SETD1B: variants seen among roughly 807,000 people sequenced by gnomAD.
SETD1B encodes the protein histone-lysine N-methyltransferase SETD1B.
SETD1B carries 7 observed loss-of-function variants against 148.0 expected under a neutral mutation model. The observed-to-expected ratio is 0.05, with a 90% CI of 0.03 to 0.09. SETD1B has a LOEUF of 0.09. SETD1B is among the 10% of genes least tolerant of loss of function. The pLI, the probability that SETD1B is intolerant of heterozygous loss-of-function variation, is 1.00. For synonymous variants in SETD1B, 1,361 were observed against 1,186.5 expected (o/e 1.15, Z -3.02); for missense variants, 2,155 against 2,729.9 (o/e 0.79, Z 4.69).
At chr12:121,799,997 GGA>G (rs1491273707), upstream of SETD1B, 1 of 152,228 alleles carries the variant, frequency 6.6e-6, no homozygotes. Context: ...GGGCGTTGGG[GGA>G]GAGAGATGTG....
intron 6 of SETD1B, among the ~76,000 whole-genome samples, chr12:121,812,951 TC>T (rs1201836488): frequency 6.7e-6 from 1 of 148,702 alleles, no homozygotes; most frequent in Admixed American, 6.7e-5. Context: ...CCACCCCCAC[TC>T]CCCCTCAGCC....
At position 121,819,489 on chromosome 12, in the gene SETD1B, C is replaced by T. The variant is rs1876461907; in HGVS notation, c.3504C>T (p.Ser1168=). Residue 1168 remains serine (S), a synonymous_variant, in exon 11 of 17, where the codon TCC becomes TCT. Coordinates refer to ENST00000604567, the MANE Select transcript of SETD1B (RefSeq NM_001353345.2). ...SSESSEFESS[S]ESSPSSSEDE... is the part of the protein sequence containing the mutation. ...AGTCTTCTGAGTTTGAGTCAAGCTC[C>T]GAGTCCTCGCCCTCATCCTCGGAGG... The T allele has an allele frequency of 6.4e-7, 1 of 1,552,192 alleles. No homozygotes were observed. Among genetic ancestry groups the T allele is most frequent in the Non-Finnish European group, 8.7e-7 (1 of 1,147,126 alleles).
rs1323766169 is a variant in SETD1B at position 121,809,911 on chromosome 12, C to T, written c.966C>T (p.Asn322=). 8 of 1,550,996 alleles carry T rather than the reference C, an allele frequency of 5.2e-6. No homozygotes were observed. In the East Asian group the frequency reaches 2.0e-4, roughly 38 times the overall value. The change falls in exon 6 of 17, where the codon AAC becomes AAT. Residue 322 remains asparagine (N), a synonymous_variant. Coordinates refer to ENST00000604567, the MANE Select transcript of SETD1B (RefSeq NM_001353345.2). ...RHESKFTDAY[N]RRHEHHYVHN... is the part of the protein sequence containing the mutation. ...AGAGCAAGTTCACGGACGCCTACAA[C>T]CGCCGCCACGAACATCATTATGTAC...
At chr12:121,824,682 A>G (rs775632561) in intron 12 of SETD1B, among the ~76,000 whole-genome samples, 2 of 151,934 alleles carry the variant, frequency 1.3e-5, no homozygotes, top group Admixed American at 6.6e-5. Flanking sequence ...GACCATAAGC[A>G]TATTTCATCA....
Position 121,831,105 on chromosome 12 carries a change from G to C in SETD1B, c.*866G>C, listed in dbSNP as rs879079186. The C allele has an allele frequency of 6.6e-6, 1 of 152,240 alleles. No homozygotes were observed. Among genetic ancestry groups the C allele is most frequent in the Non-Finnish European group, 1.5e-5 (1 of 68,060 alleles). 9.4% of individuals were successfully genotyped at this position (152,240 alleles called of 1,614,324 possible). A position where few individuals can be genotyped will look rare whatever the true frequency, so the allele number is the denominator to read the frequency against. The stretch of plus-strand genomic sequence containing the variant: ...AGTGCAGGTGAGGGGCGCTGAGAAC[G>C]CGGGCAGCCACTCTCTTCTGCCCTT... On this transcript the variant is annotated 3_prime_UTR_variant, in exon 17 of 17. Transcript: ENST00000604567.
In SETD1B at chr12:121,805,678, T is replaced by A. The variant is rs1875704262; in HGVS notation, c.274-157T>A. ...GGGCCCGCCCGCGTGCATTTTTTTT[T>A]TCCAAAAAAAATTTTTTTTTTTTTT... On this transcript the variant is annotated intron_variant, in intron 3 of 16. Transcript: ENST00000604567. The surrounding 1 kb of genome is among the most constrained non-coding windows in gnomAD (Gnocchi z 4.2). Among the ~76,000 whole-genome samples the A allele has an allele frequency of 8.9e-6, 1 of 112,486 alleles. No individual in the cohort carries two copies. Among genetic ancestry groups the A allele is most frequent in the Non-Finnish European group, 1.9e-5 (1 of 53,748 alleles). 73.8% of individuals were successfully genotyped at this position (112,486 alleles called of 152,430 possible). A position where few individuals can be genotyped will look rare whatever the true frequency, so the allele number is the denominator to read the frequency against.
In SETD1B at chr12:121,814,268, C is replaced by T; in HGVS notation, c.2053C>T (p.Pro685Ser). Residue 685 changes from proline to serine, a missense_variant, in exon 7 of 17, where the codon CCT becomes TCT. Coordinates refer to ENST00000604567, the MANE Select transcript of SETD1B (RefSeq NM_001353345.2). ...CCCAACCCTGCCGCTGCCCCCGCCACCTGGCTTCCCCCCGCTGCCCCCCCC... is the reference window on the plus strand; with the variant it reads ...CCCAACCCTGCCGCTGCCCCCGCCATCTGGCTTCCCCCCGCTGCCCCCCCC... ...LAPTLPLPPPPGFPPLPPPPP... is the reference protein window; with the variant it reads ...LAPTLPLPPPSGFPPLPPPPP... The T allele has an allele frequency of 6.9e-7, 1 of 1,456,708 alleles. No homozygotes were observed. The highest frequency in any genetic ancestry group is 9.1e-7 in the Non-Finnish European group (1 of 1,096,548). The allele number at this position is 1,456,708 out of a possible 1,614,324, so 90.2% of individuals were successfully genotyped here. A position where few individuals can be genotyped will look rare whatever the true frequency, so the allele number is the denominator to read the frequency against.
Position 121,823,474 on chromosome 12 carries a change from A to C in SETD1B, c.4895A>C (p.Tyr1632Ser). The C allele has an allele frequency of 1.3e-6, 2 of 1,550,410 alleles. No homozygotes were observed. Among genetic ancestry groups the C allele is most frequent in the Non-Finnish European group, 1.7e-6 (2 of 1,146,840 alleles). Residue 1632 changes from tyrosine to serine, a missense_variant, in exon 12 of 17, where the codon TAC becomes TCC. By Grantham distance (144) the Tyr-to-Ser change is moderately radical. Transcript: ENST00000604567. ...PRGRDEVTEE[Y>S]MELAKSRGPW... The stretch of plus-strand genomic sequence containing the variant: ...GGGCGCGATGAGGTCACTGAGGAAT[A>C]CATGGAGTTGGCCAAGAGCCGGGGG...
intron 11 of SETD1B, 118 bp downstream of exon 11, chr12:121,820,013 G>C: frequency 1.1e-6 from 1 of 869,892 alleles, no homozygotes; most frequent in East Asian, 2.7e-5. Flanking sequence ...AGTTTCCCGT[G>C]TAAAACGAGA....
intron 10 of SETD1B, among the ~76,000 whole-genome samples, chr12:121,818,439 T>A (rs1429699924): frequency 1.3e-5 from 2 of 151,738 alleles, no homozygotes; most frequent in Non-Finnish European, 2.9e-5. Context: ...GGTGGGCACC[T>A]GTAATCCCAG....
intron 13 of SETD1B, 65 bp downstream of exon 13, chr12:121,825,431 CA>C (rs1400645467): frequency 6.9e-7 from 1 of 1,453,178 alleles, no homozygotes; most frequent in Non-Finnish European, 9.2e-7. Context: ...CCAGGGCACT[CA>C]TGGAGGGGTG....
At chr12:121,824,422 G>A (rs547322944) in intron 12 of SETD1B, among the ~76,000 whole-genome samples, 3 of 152,320 alleles carry the variant, frequency 2.0e-5, no homozygotes, top group East Asian at 1.9e-4. Flanking sequence ...TGAGGCGGAC[G>A]GATCACTCGA....
At chr12:121,816,803 A>G (rs1286737037) in intron 7 of SETD1B, among the ~76,000 whole-genome samples, 2 of 152,260 alleles carry the variant, frequency 1.3e-5, no homozygotes, top group Non-Finnish European at 2.9e-5. Context: ...TAAGGAAGGC[A>G]GGTACAGTAG....
intron 10 of SETD1B, among the ~76,000 whole-genome samples, chr12:121,819,126 C>G (rs563441065): frequency 6.6e-6 from 1 of 152,182 alleles, no homozygotes; most frequent in South Asian, 2.1e-4. Flanking sequence ...TGCCTGTAAT[C>G]CCAGCTACTT....
At chr12:121,793,813 TG>T in the SETD1B span, 2 of 517,568 alleles carry the variant, frequency 3.9e-6, no homozygotes, top group East Asian at 7.2e-5. Context: ...GCCCTGGGTG[TG>T]GGTATTCAGC....
At chr12:121,793,586 G>A in the SETD1B span, 3 of 1,552,772 alleles carry the variant, frequency 1.9e-6, no homozygotes, top group African/African-American at 1.4e-5. Flanking sequence ...GCTCCTTCCT[G>A]CCCGGACCGG....
chr12:121,825,306 C>A lies in SETD1B; in HGVS notation c.5277C>A (p.Asp1759Glu). Residue 1759 changes from aspartate to glutamate, a missense_variant, in exon 13 of 17, where the codon GAC (aspartate) becomes GAA (glutamate). This residue lies in a region of SETD1B where 96 missense variants were observed against 148.7 expected (regional missense o/e 0.65). Transcript: ENST00000604567. ...SEGFYTIDKK[D>E]KLRYLNSSRA... Reference sequence around the variant, plus strand: ...GCTTCTACACCATCGACAAGAAGGACAAGCTCAGATACCTCAACAGCAGCC... The same window carrying A: ...GCTTCTACACCATCGACAAGAAGGAAAAGCTCAGATACCTCAACAGCAGCC... 1.3e-6 allele frequency: 2 copies of A among 1,551,864 alleles called. No homozygotes were observed. The highest frequency in any genetic ancestry group is 1.7e-6 in the Non-Finnish European group (2 of 1,147,080).
chr12:121,797,650 G>C, the SETD1B span: 1 of 455,830 alleles, frequency 2.2e-6, no homozygotes, highest in Non-Finnish European at 4.4e-6. Context: ...AGCTGGGAGG[G>C]AGACGTACAT....
Position 121,817,603 on chromosome 12 carries a change from CAGG to C in SETD1B, c.3214_3216del (p.Glu1072del), listed in dbSNP as rs1876358680. 3.2e-6 allele frequency: 5 copies of C among 1,551,344 alleles called. No individual in the cohort carries two copies. In the South Asian group the frequency reaches 5.9e-5, roughly 18 times the overall value. On this transcript the variant is annotated inframe_deletion, in exon 9 of 17. Transcript: ENST00000604567. The surrounding 1 kb of genome is among the most constrained non-coding windows in gnomAD (Gnocchi z 8.1). ...CTCGGCCTCCGACAAGGAGGAGGAA[CAGG>C]AGAGCACCGAGGAGGAAGAGGAGGC...
Sources: allele counts gnomAD v4.1 joint callset (sites outside exome capture counted in the v4.1 genomes callset), GRCh38; gene constraint gnomAD v4.1.1; regional missense constraint gnomAD v4.1.1; non-coding constraint Gnocchi (gnomAD v3.1); transcripts MANE v1.5; gene names NCBI Gene and HGNC (gene_info 2026-07-23, HGNC 2026-07-21).